Variants in ENOX2 observed in about 807,000 individuals in gnomAD.
ENOX2 encodes APK1 antigen.
Under a neutral mutation model 45.0 loss-of-function variants are expected in ENOX2, and 36 were observed. The observed-to-expected ratio is 0.80, with a 90% CI of 0.61 to 1.06. The LOEUF is 1.06. ENOX2 is among the 50% of genes least tolerant of loss of function. The pLI is 0.00. For synonymous variants in ENOX2, 174 were observed against 152.3 expected (o/e 1.14, Z -1.05); for missense variants, 423 against 462.5 (o/e 0.91, Z 0.78).
At chrX:130,700,787 A>G (rs1344760355) in intron 4 of ENOX2, among the ~76,000 whole-genome samples, 1 of 111,654 alleles carries the variant, frequency 9.0e-6, no homozygotes, top group Non-Finnish European at 1.9e-5. Flanking sequence ...CATTATCTCC[A>G]TTTTACAGAT....
chrX:130,810,881 G>A (rs1459518640), intron 2 of ENOX2, among the ~76,000 whole-genome samples: 3 of 112,038 alleles, frequency 2.7e-5, no homozygotes, highest in Non-Finnish European at 5.7e-5. Flanking sequence ...ACTAGCTCCA[G>A]GAACCAGGCT....
chrX:130,696,253 T>C (rs1372250357), intron 4 of ENOX2, among the ~76,000 whole-genome samples: 1 of 111,855 alleles, frequency 8.9e-6, no homozygotes, highest in Non-Finnish European at 1.9e-5. Context: ...TCTCCCTCTG[T>C]AGCCCATCTT....
At chrX:130,741,312 C>G (rs938242652) in intron 3 of ENOX2, among the ~76,000 whole-genome samples, 1 of 110,955 alleles carries the variant, frequency 9.0e-6, no homozygotes, top group Non-Finnish European at 1.9e-5. Context: ...GAAGGAACCA[C>G]GGGAATCAGC....
intron 3 of ENOX2, among the ~76,000 whole-genome samples, chrX:130,762,327 C>G (rs1336206668): frequency 8.9e-6 from 1 of 112,295 alleles, no homozygotes. Flanking sequence ...GTAATCTCAG[C>G]ACTTTGGGAG....
chrX:130,867,581 C>T (rs1049957832), intron 2 of ENOX2, among the ~76,000 whole-genome samples: 1 of 111,814 alleles, frequency 8.9e-6, no homozygotes, highest in East Asian at 2.8e-4. Flanking sequence ...ACACAATATT[C>T]TCAAATTAGT....
chrX:130,866,559 C>T (rs2078494869), intron 2 of ENOX2, among the ~76,000 whole-genome samples: 1 of 111,744 alleles, frequency 8.9e-6, no homozygotes, highest in South Asian at 3.7e-4. Context: ...CTTATGTTGG[C>T]CACTAGAACT....
intron 2 of ENOX2, among the ~76,000 whole-genome samples, chrX:130,833,629 G>T (rs1033129663): frequency 2.7e-5 from 3 of 111,252 alleles, no homozygotes; most frequent in African/African-American, 9.8e-5. Context: ...TCTAATGCCA[G>T]CATAGTACAT....
At chrX:130,870,485 T>C (rs1175807493) in intron 2 of ENOX2, among the ~76,000 whole-genome samples, 1 of 111,537 alleles carries the variant, frequency 9.0e-6, no homozygotes, top group Non-Finnish European at 1.9e-5. Context: ...TTGTCTCATT[T>C]TACACATCAG....
At chrX:130,697,347 T>C (rs896138537) in intron 4 of ENOX2, among the ~76,000 whole-genome samples, 1 of 112,425 alleles carries the variant, frequency 8.9e-6, no homozygotes, top group East Asian at 2.8e-4. Flanking sequence ...ATTATGACAC[T>C]TGCAACATGA....
intron 2 of ENOX2, among the ~76,000 whole-genome samples, chrX:130,861,556 A>G (rs1022717652): frequency 3.6e-5 from 4 of 111,832 alleles, no homozygotes; most frequent in Non-Finnish European, 7.5e-5. Flanking sequence ...TGATAGCACT[A>G]TATGATGAAT....
At position 130,680,398 on chromosome X, in the gene ENOX2, T is replaced by C. The variant is rs751954938; in HGVS notation, c.254-650A>G. On this transcript the variant is annotated intron_variant, in intron 5 of 14. Coordinates refer to ENST00000394363, the MANE Select transcript of ENOX2 (RefSeq NM_006375.4). ...GAGGTCCAGAGTCTGTCTTGCAGCA[T>C]TTACAGGGAAATATGAAAGACAGCA... Among the ~76,000 whole-genome samples, 3 of 111,667 alleles carry C rather than the reference T, an allele frequency of 2.7e-5. No homozygotes were observed. In the South Asian group the frequency reaches 1.1e-3, roughly 43 times the overall value.
Position 130,625,259 on chromosome X carries a change from AT to A in ENOX2, c.*54del. 8.7e-7 allele frequency: 1 copy of A among 1,153,582 alleles called. No individual in the cohort carries two copies. Among genetic ancestry groups the A allele is most frequent in the Non-Finnish European group, 1.2e-6 (1 of 855,802 alleles). On this transcript the variant is annotated 3_prime_UTR_variant, in exon 15 of 15. Transcript: ENST00000394363. ...CCATTAAAAATATAAATCACTTTCT[AT>A]GCTTGTCCAACACATATTTATCTTC...
intron 2 of ENOX2, among the ~76,000 whole-genome samples, chrX:130,841,276 C>T (rs1684291548): frequency 8.9e-6 from 1 of 112,140 alleles, no homozygotes; most frequent in African/African-American, 3.2e-5. Flanking sequence ...AAGAAAACCA[C>T]AAAGAAGCCC....
intron 4 of ENOX2, among the ~76,000 whole-genome samples, chrX:130,690,500 G>A (rs759073257): frequency 8.9e-6 from 1 of 112,395 alleles, no homozygotes; most frequent in Non-Finnish European, 1.9e-5. Flanking sequence ...TATAGAACCT[G>A]CAGACTGCAA....
chrX:130,782,967 T>G (rs1458187875), intron 3 of ENOX2, among the ~76,000 whole-genome samples: 2 of 111,889 alleles, frequency 1.8e-5, no homozygotes, highest in African/African-American at 6.5e-5. Flanking sequence ...AAGAATCTGT[T>G]TGCCAACTGT....
intron 2 of ENOX2, among the ~76,000 whole-genome samples, chrX:130,876,662 C>T (rs1381838355): frequency 9.0e-6 from 1 of 111,395 alleles, no homozygotes; most frequent in Non-Finnish European, 1.9e-5. Context: ...TCACTCGGAG[C>T]ACATGATGAT....
chrX:130,898,251 G>A lies in ENOX2; in HGVS notation c.-183+3433C>T, dbSNP rs904926611. 4.5e-5 allele frequency among the ~76,000 whole-genome samples: 5 copies of A among 111,782 alleles called. 1 individual carries two copies. Among genetic ancestry groups the A allele is most frequent in the South Asian group, 7.5e-4 (2 of 2,679 alleles). ...TCAAACTCCTGACCTCAGGTGATCC[G>A]CCTGCCTTGGCCTCCCAAAGTGCTG... On this transcript the variant is annotated intron_variant, in intron 2 of 14. Transcript: ENST00000394363.
intron 2 of ENOX2, among the ~76,000 whole-genome samples, chrX:130,838,081 A>T (rs752827130): frequency 8.9e-6 from 1 of 112,273 alleles, no homozygotes; most frequent in Admixed American, 9.4e-5. Context: ...GACACTTTGA[A>T]AGCAGATAAC....
chrX:130,722,444 T>A (rs1026530964), intron 3 of ENOX2, among the ~76,000 whole-genome samples: 1 of 112,188 alleles, frequency 8.9e-6, no homozygotes, highest in Non-Finnish European at 1.9e-5. Flanking sequence ...ATGTATTGTA[T>A]ATACACATGG....
Sources: allele counts gnomAD v4.1 joint callset (sites outside exome capture counted in the v4.1 genomes callset), GRCh38; gene constraint gnomAD v4.1.1; transcripts MANE v1.5; gene names NCBI Gene and HGNC (gene_info 2026-07-23, HGNC 2026-07-21).